The following CACNA1G variants were observed in gnomAD, a reference collection of about 807,000 sequenced individuals.
The protein encoded by CACNA1G is calcium voltage-gated channel subunit alpha1 G.
A neutral mutation model predicts 219.4 loss-of-function variants in CACNA1G; 67 were observed. The observed-to-expected ratio is 0.31, with a 90% CI of 0.25 to 0.37. The LOEUF is 0.37. Ranked by LOEUF, CACNA1G falls within the 10% of genes least tolerant of loss-of-function variation. The pLI is 1.00. For synonymous variants in CACNA1G, 1,296 were observed against 1,345.3 expected (o/e 0.96, Z 0.80); for missense variants, 2,380 against 3,231.4 (o/e 0.74, Z 6.39).
chr17:50,600,767 C>G lies in CACNA1G; in HGVS notation c.3732C>G (p.Leu1244=). The part of the protein sequence containing the change: ...ERVRAWIRAR[L]PACCLERDSW... ...TCCGCGCGTGGATCCGAGCCCGACT[C>G]CCTGCCTGCTGCCTCGAGCGAGACT... Residue 1244 remains leucine (L), a synonymous_variant, in exon 18 of 38, where the codon CTC becomes CTG. Transcript: ENST00000359106. This position sits in a 1 kb window ranked among gnomAD's most constrained non-coding sequence, Gnocchi z 4.1. 1 of 1,613,890 alleles carries G rather than the reference C, an allele frequency of 6.2e-7. No individual in the cohort carries two copies. Among genetic ancestry groups the G allele is most frequent in the Non-Finnish European group, 8.5e-7 (1 of 1,179,830 alleles).
chr17:50,613,560 C>T (rs553219410), intron 26 of CACNA1G, among the ~76,000 whole-genome samples: 22 of 152,252 alleles, frequency 1.4e-4, no homozygotes, highest in African/African-American at 4.3e-4. Context: ...GCTGGGGTGA[C>T]GGGGAGAGGA....
chr17:50,579,023 G>A (rs1319229275), intron 9 of CACNA1G, among the ~76,000 whole-genome samples: 1 of 152,122 alleles, frequency 6.6e-6, no homozygotes, highest in Non-Finnish European at 1.5e-5. Flanking sequence ...GCAGAGGGGA[G>A]GGTTGGTGCC....
At chr17:50,575,462 G>C in intron 7 of CACNA1G, 81 bp from the exon 8 acceptor site, 2 of 1,387,684 alleles carry the variant, frequency 1.4e-6, no homozygotes, top group Non-Finnish European at 1.9e-6. Flanking sequence ...TTGGCTCATA[G>C]GAATGCCTCC....
rs2039343848 is a variant in CACNA1G at position 50,571,106 on chromosome 17, G to A, written c.587-772G>A. Among the ~76,000 whole-genome samples the A allele has an allele frequency of 6.6e-6, 1 of 152,122 alleles. No individual in the cohort carries two copies. The highest frequency in any genetic ancestry group is 2.1e-4 in the South Asian group (1 of 4,822). On this transcript the variant is annotated intron_variant, in intron 4 of 37. Coordinates refer to ENST00000359106, the MANE Select transcript of CACNA1G (RefSeq NM_018896.5). This position sits in a 1 kb window ranked among gnomAD's most constrained non-coding sequence, Gnocchi z 4.3. ...AACCCTAACAGGGCTTTTGAGGAGG[G>A]GGTTTCAGTGGCTTTCCCTATGGAG...
intron 25 of CACNA1G, 171 bp downstream of exon 25, chr17:50,608,190 G>A (rs1387454121): frequency 1.1e-5 from 7 of 655,994 alleles, no homozygotes; most frequent in African/African-American, 1.8e-5. Flanking sequence ...CCTTTAGAGC[G>A]AGCATGAAGC....
chr17:50,611,402 G>A (rs1241135415), intron 26 of CACNA1G, among the ~76,000 whole-genome samples: 3 of 152,106 alleles, frequency 2.0e-5, no homozygotes, highest in Non-Finnish European at 4.4e-5. Flanking sequence ...CCCTGGGGAT[G>A]TTGGGTGTCA....
rs574910844 is a variant in CACNA1G at position 50,594,480 on chromosome 17, G to C, written c.2911-513G>C. ...TCCTTGCTTCCTACCCATTCCCCAAGCCCACTGCCTCCGAACCGGTGAGAG... is the reference window on the plus strand; with the variant it reads ...TCCTTGCTTCCTACCCATTCCCCAACCCCACTGCCTCCGAACCGGTGAGAG... On this transcript the variant is annotated intron_variant, in intron 13 of 37. Coordinates refer to ENST00000359106, the MANE Select transcript of CACNA1G (RefSeq NM_018896.5). Among the ~76,000 whole-genome samples, 7 of 152,228 alleles carry C rather than the reference G, an allele frequency of 4.6e-5. No individual in the cohort carries two copies. The South Asian group carries it at 1.2e-3, about 27-fold the overall frequency.
At chr17:50,624,324 T>TCCCCCCCCCCCCCCCCCCCCGGC in intron 36 of CACNA1G, 36 bp from the exon 37 acceptor site, 4 of 1,177,662 alleles carry the variant, frequency 3.4e-6, no homozygotes, top group Non-Finnish European at 3.7e-6. Flanking sequence ...CTCCATTCTC[T>TCCCCCCCCCCCCCCCCCCCCGGC]CCCCCCACCC....
intron 9 of CACNA1G, among the ~76,000 whole-genome samples, chr17:50,587,375 G>T (rs2043203584): frequency 6.6e-6 from 1 of 152,198 alleles, no homozygotes; most frequent in Non-Finnish European, 1.5e-5. Flanking sequence ...CTTCAGCCTA[G>T]TTGGCCTGTG....
intron 10 of CACNA1G, among the ~76,000 whole-genome samples, chr17:50,591,083 G>T (rs2044227924): frequency 6.6e-6 from 1 of 152,246 alleles, no homozygotes; most frequent in African/African-American, 2.4e-5. Context: ...AAGGCCTGGG[G>T]CCAGGAGAAC....
chr17:50,601,405 T>A (rs2046604800), intron 19 of CACNA1G, among the ~76,000 whole-genome samples: 1 of 152,218 alleles, frequency 6.6e-6, no homozygotes. Context: ...GGGTGCTTTG[T>A]CTCATTCCAG....
chr17:50,621,830 C>T lies in CACNA1G; in HGVS notation c.6060+36C>T. The T allele has an allele frequency of 6.2e-7, 1 of 1,609,826 alleles. No homozygotes were observed. Among genetic ancestry groups the T allele is most frequent in the Non-Finnish European group, 8.5e-7 (1 of 1,178,888 alleles). On this transcript the variant is annotated intron_variant, in intron 35 of 37. Transcript: ENST00000359106. This position sits in a 1 kb window ranked among gnomAD's most constrained non-coding sequence, Gnocchi z 4.6. ...ACTGCCCTCACTGCTCCCGGCCACC[C>T]CCGGGGCTGGACTGGCTGCAGGGCT... is the stretch of plus-strand genomic sequence containing the variant.
intron 22 of CACNA1G, 65 bp downstream of exon 22, chr17:50,604,346 T>C: frequency 6.4e-7 from 1 of 1,573,416 alleles, no homozygotes; most frequent in Non-Finnish European, 8.7e-7. Flanking sequence ...CCTTGGCCCC[T>C]GGGTCCTATG....
At chr17:50,573,869 G>A (rs928838966) in intron 7 of CACNA1G, among the ~76,000 whole-genome samples, 2 of 152,264 alleles carry the variant, frequency 1.3e-5, no homozygotes, top group Non-Finnish European at 2.9e-5. Context: ...CTTACTATGC[G>A]CCAGCCCCTG....
At position 50,590,637 on chromosome 17, in the gene CACNA1G, C is replaced by T. The variant is rs771308354; in HGVS notation, c.2453+15C>T. 8.1e-6 allele frequency: 13 copies of T among 1,607,910 alleles called. No individual in the cohort carries two copies. Among genetic ancestry groups the T allele is most frequent in the South Asian group, 2.2e-5 (2 of 90,474 alleles). ...GTGGTCATCAGGTATGACTACCCCC[C>T]GGCACTGACTCTCAGTTGAGGAATG... On this transcript the variant is annotated intron_variant, in intron 10 of 37. Coordinates refer to ENST00000359106, the MANE Select transcript of CACNA1G (RefSeq NM_018896.5).
Position 50,596,706 on chromosome 17 carries a change from A to T in CACNA1G, c.3065-24A>T, listed in dbSNP as rs1179883313. On this transcript the variant is annotated intron_variant, in intron 15 of 37. Transcript: ENST00000359106. This position sits in a 1 kb window ranked among gnomAD's most constrained non-coding sequence, Gnocchi z 4.8. ...TGGGCCAGCCCTGTGTGGACTCGGGATCTCTCCCTCTCTCCCCGTGCAGTG... is the reference window on the plus strand; with the variant it reads ...TGGGCCAGCCCTGTGTGGACTCGGGTTCTCTCCCTCTCTCCCCGTGCAGTG... The T allele has an allele frequency of 1.2e-6, 2 of 1,612,016 alleles. No individual in the cohort carries two copies. The highest frequency in any genetic ancestry group is 1.3e-5 in the African/African-American group (1 of 74,324).
rs766825481 is a variant in CACNA1G at position 50,599,526 on chromosome 17, G to A, written c.3357G>A (p.Leu1119=). 2 of 1,611,764 alleles carry A rather than the reference G, an allele frequency of 1.2e-6. No individual in the cohort carries two copies. The highest frequency in any genetic ancestry group is 2.2e-5 in the South Asian group (2 of 90,614). Residue 1119 remains leucine, a synonymous_variant, in exon 17 of 38, where the codon CTG becomes CTA. Coordinates refer to ENST00000359106, the MANE Select transcript of CACNA1G (RefSeq NM_018896.5). Reference sequence around the variant, plus strand: ...ACAGCCTCGGCCGTGCACCCAGCCTGAAGCGGAGAAGCCCAAGTGGAGAGC... The same window carrying A: ...ACAGCCTCGGCCGTGCACCCAGCCTAAAGCGGAGAAGCCCAAGTGGAGAGC... ...SRNSLGRAPS[L]KRRSPSGERR...
chr17:50,593,254 G>C (rs552031187), intron 13 of CACNA1G, among the ~76,000 whole-genome samples: 1 of 152,346 alleles, frequency 6.6e-6, no homozygotes, highest in South Asian at 2.1e-4. Context: ...ACAAGAGCCA[G>C]TAGACTCACT....
intron 35 of CACNA1G, among the ~76,000 whole-genome samples, chr17:50,622,408 G>A (rs1298393245): frequency 6.6e-6 from 1 of 151,636 alleles, no homozygotes; most frequent in African/African-American, 2.4e-5. Flanking sequence ...CGTCCCTTCT[G>A]ACTGTGAGCA....
Sources: allele counts gnomAD v4.1 joint callset (sites outside exome capture counted in the v4.1 genomes callset), GRCh38; gene constraint gnomAD v4.1.1; non-coding constraint Gnocchi (gnomAD v3.1); transcripts MANE v1.5; gene names NCBI Gene and HGNC (gene_info 2026-07-23, HGNC 2026-07-21).